LRBA: variants seen among roughly 807,000 people sequenced by gnomAD.
LRBA encodes the protein lipopolysaccharide-responsive and beige-like anchor protein.
LRBA carries 176 observed loss-of-function variants against 330.0 expected under a neutral mutation model. That is an observed-to-expected ratio of 0.53 (90% CI 0.47 to 0.60). The LOEUF is 0.60. Ranked by LOEUF, LRBA falls within the 20% of genes least tolerant of loss-of-function variation. LRBA has a pLI of 0.00. For synonymous variants in LRBA, 1,230 were observed against 1,193.0 expected, an observed-to-expected ratio of 1.03 and a Z score of -0.64; for missense variants, 3,259 against 3,444.8, an observed-to-expected ratio of 0.95 and a Z score of 1.35.
intron 47 of LRBA, among the ~76,000 whole-genome samples, chr4:150,362,207 C>G (rs1738813415): frequency 6.6e-6 from 1 of 152,140 alleles, no homozygotes; most frequent in Non-Finnish European, 1.5e-5. Flanking sequence ...ATCTAGTCAG[C>G]CAATTCAGAA....
At chr4:150,347,553 G>A (rs1023430044) in intron 48 of LRBA, among the ~76,000 whole-genome samples, 1 of 151,928 alleles carries the variant, frequency 6.6e-6, no homozygotes, top group Non-Finnish European at 1.5e-5. Flanking sequence ...GGCTGAGGCA[G>A]GAGAATCACT....
intron 33 of LRBA, among the ~76,000 whole-genome samples, chr4:150,803,934 G>A (rs1007889611): frequency 7.9e-5 from 12 of 151,928 alleles, no homozygotes; most frequent in African/African-American, 2.9e-4. Flanking sequence ...ATCCTATCTT[G>A]TTATCTGCTA....
chr4:150,773,805 C>G (rs189101132), intron 34 of LRBA, among the ~76,000 whole-genome samples: 1 of 152,120 alleles, frequency 6.6e-6, no homozygotes, highest in Admixed American at 6.6e-5. Context: ...AAGATGAATT[C>G]GAAGACTCAC....
rs146604033 is a variant in LRBA at position 150,470,840 on chromosome 4, TACAC to T, written c.6667+780_6667+783del. Among the ~76,000 whole-genome samples, 725 of 140,652 alleles carry T rather than the reference TACAC, an allele frequency of 5.2e-3. 7 individuals carry two copies. The highest frequency in any genetic ancestry group is 0.018 in the African/African-American group (668 of 38,082). The allele number at this position is 140,652 out of a possible 152,430, so 92.3% of individuals were successfully genotyped here. A position where few individuals can be genotyped will look rare whatever the true frequency, so the allele number is the denominator to read the frequency against. ...GATACCTAATGGAAGCCCTCATTACTACACACACACACACACACACACACACACA... is the reference window on the plus strand; with the variant it reads ...GATACCTAATGGAAGCCCTCATTACTACACACACACACACACACACACACA... On this transcript the variant is annotated intron_variant, in intron 43 of 56. Transcript: ENST00000651943.
chr4:150,515,011 C>G (rs945896029), intron 40 of LRBA, among the ~76,000 whole-genome samples: 2 of 151,906 alleles, frequency 1.3e-5, no homozygotes, highest in African/African-American at 4.8e-5. Flanking sequence ...TTCTAGGCCA[C>G]TGGGGAAAAA....
Position 150,872,697 on chromosome 4 carries a change from C to A in LRBA, c.2224G>T (p.Ala742Ser). Residue 742 changes from alanine (A) to serine (S), a missense_variant, in exon 18 of 57, where the codon GCA becomes TCA. Coordinates refer to ENST00000651943, the MANE Select transcript of LRBA (RefSeq NM_001364905.1). ...AGATGTTTTAAAAAATAACCCATTGCCTTAAGAGCTTGTACCCTGATTCCT... is the reference window on the plus strand; with the variant it reads ...AGATGTTTTAAAAAATAACCCATTGACTTAAGAGCTTGTACCCTGATTCCT... ...SEGIRVQALK[A>S]MGYFLKHLAP... The A allele has an allele frequency of 6.2e-7, 1 of 1,610,136 alleles. No individual in the cohort carries two copies. The highest frequency in any genetic ancestry group is 8.5e-7 in the Non-Finnish European group (1 of 1,177,866).
intron 42 of LRBA, among the ~76,000 whole-genome samples, chr4:150,472,649 T>C (rs1039570747): frequency 1.3e-5 from 2 of 152,138 alleles, no homozygotes; most frequent in Non-Finnish European, 2.9e-5. Context: ...TAATCTTCAT[T>C]CCTATCCCCA....
chr4:150,645,268 C>T (rs778950526), intron 37 of LRBA, among the ~76,000 whole-genome samples: 4 of 150,156 alleles, frequency 2.7e-5, no homozygotes, highest in African/African-American at 7.3e-5. Context: ...TAGAAATTAG[C>T]TTTTACTGAA....
chr4:150,939,039 G>C (rs1166260351), intron 2 of LRBA, among the ~76,000 whole-genome samples: 1 of 152,074 alleles, frequency 6.6e-6, no homozygotes, highest in Non-Finnish European at 1.5e-5. Context: ...TTTGATAGTT[G>C]GTTATGTGCC....
intron 37 of LRBA, among the ~76,000 whole-genome samples, chr4:150,657,482 G>T (rs1320775437): frequency 6.6e-6 from 1 of 151,364 alleles, no homozygotes; most frequent in Admixed American, 6.6e-5. Context: ...CAAATTATAG[G>T]GAAAAATGAT....
At chr4:150,704,461 A>T (rs1392609658) in intron 36 of LRBA, among the ~76,000 whole-genome samples, 1 of 151,940 alleles carries the variant, frequency 6.6e-6, no homozygotes, top group East Asian at 1.9e-4. Context: ...TAAAACACAA[A>T]AAGAGCCACT....
chr4:150,968,796 G>T (rs910126743), intron 2 of LRBA, among the ~76,000 whole-genome samples: 15 of 152,174 alleles, frequency 9.9e-5, no homozygotes, highest in African/African-American at 3.6e-4. Context: ...GCAAGAAGAT[G>T]CCATCTAGGA....
chr4:150,353,313 A>G (rs768827402), intron 47 of LRBA, among the ~76,000 whole-genome samples: 1 of 152,176 alleles, frequency 6.6e-6, no homozygotes, highest in Non-Finnish European at 1.5e-5. Flanking sequence ...GAAACAATAA[A>G]CAAACCCTGC....
chr4:150,423,400 C>T, intron 46 of LRBA: 1 of 637,266 alleles, frequency 1.6e-6, no homozygotes, highest in Non-Finnish European at 2.8e-6. Context: ...TCCACAGTCC[C>T]TTCCTTCTGC....
intron 47 of LRBA, among the ~76,000 whole-genome samples, chr4:150,355,541 G>C (rs1737723111): frequency 6.6e-6 from 1 of 151,928 alleles, no homozygotes; most frequent in Non-Finnish European, 1.5e-5. Flanking sequence ...TAACCAGAGA[G>C]AATAGGCCTA....
intron 37 of LRBA, among the ~76,000 whole-genome samples, chr4:150,607,510 G>A (rs1355317329): frequency 6.6e-6 from 1 of 150,954 alleles, no homozygotes; most frequent in African/African-American, 2.4e-5. Flanking sequence ...AAAAATAATC[G>A]CATCCTAGAT....
At chr4:150,353,545 G>A (rs1368743462) in intron 47 of LRBA, among the ~76,000 whole-genome samples, 1 of 151,988 alleles carries the variant, frequency 6.6e-6, no homozygotes, top group Non-Finnish European at 1.5e-5. Context: ...TTTTCCTTAC[G>A]GTTGACTACT....
chr4:150,405,402 A>G (rs1746050892), intron 47 of LRBA, among the ~76,000 whole-genome samples: 2 of 152,208 alleles, frequency 1.3e-5, no homozygotes, highest in Admixed American at 6.5e-5. Flanking sequence ...GGTGAAAACC[A>G]CTGGTATTTG....
At chr4:150,274,593 TA>T (rs2126726598) in intron 56 of LRBA, among the ~76,000 whole-genome samples, 1 of 152,008 alleles carries the variant, frequency 6.6e-6, no homozygotes, top group African/African-American at 2.4e-5. Context: ...ATATACACAA[TA>T]AAAAATGATA....
Sources: allele counts gnomAD v4.1 joint callset (sites outside exome capture counted in the v4.1 genomes callset), GRCh38; gene constraint gnomAD v4.1.1; transcripts MANE v1.5; gene names NCBI Gene and HGNC (gene_info 2026-07-23, HGNC 2026-07-21).